Variants in COPB2 observed in about 807,000 individuals in gnomAD.
COPB2 encodes the protein coatomer subunit beta'.
Under a neutral mutation model 120.8 loss-of-function variants are expected in COPB2, and 16 were observed. The ratio of observed to expected loss-of-function variants is 0.13; its 90% CI spans 0.09 to 0.20. The LOEUF (loss-of-function observed/expected upper bound fraction) is 0.20. Ranked by LOEUF, COPB2 falls within the 10% of genes least tolerant of loss-of-function variation. The pLI is 1.00. For missense variants in COPB2, 794 were observed against 1,076.5 expected (o/e 0.74, Z 3.67); for synonymous variants, 332 against 366.3 (o/e 0.91, Z 1.07).
chr3:139,359,859 G>T (rs908149724), intron 17 of COPB2, among the ~76,000 whole-genome samples: 12 of 151,626 alleles, frequency 7.9e-5, no homozygotes, highest in African/African-American at 2.7e-4. Flanking sequence ...AGGATTTTTT[G>T]GATTTTCGAA....
intron 10 of COPB2, among the ~76,000 whole-genome samples, chr3:139,370,508 C>T (rs1175646176): frequency 6.6e-6 from 1 of 152,128 alleles, no homozygotes; most frequent in Non-Finnish European, 1.5e-5. Flanking sequence ...ATCGGGGGAT[C>T]GCTGTACAAT....
chr3:139,364,015 CCTA>C lies in COPB2; in HGVS notation c.1885-1501_1885-1499del, dbSNP rs368625376. On this transcript the variant is annotated intron_variant, in intron 15 of 21. Coordinates refer to ENST00000333188, the MANE Select transcript of COPB2 (RefSeq NM_004766.3). ...ATATACTTTTGTTTTCTGCTAATTC[CCTA>C]CTACTAATAAAATCACACTAAAAGG... Among the ~76,000 whole-genome samples the C allele has an allele frequency of 2.0e-5, 3 of 151,082 alleles. No individual in the cohort carries two copies. In the East Asian group the frequency reaches 5.8e-4, roughly 29 times the overall value.
In COPB2 at chr3:139,366,616, G is replaced by A. The variant is rs1941520985; in HGVS notation, c.1836C>T (p.Thr612=). The change falls in exon 15 of 22, where the codon ACC becomes ACT. Residue 612 remains threonine, a synonymous_variant. Transcript: ENST00000333188. ...DFSMADKVLP[T]IPKEQRTRVA... ...CTCTGGTCCTCTGTTCTTTTGGAAT[G>A]GTAGGAAGGACCTTATCAGCCATGC... 1 of 1,613,884 alleles carries A rather than the reference G, an allele frequency of 6.2e-7. No individual in the cohort carries two copies. The highest frequency in any genetic ancestry group is 1.3e-5 in the African/African-American group (1 of 74,916).
Position 139,357,879 on chromosome 3 carries a change from T to C in COPB2, c.2705A>G (p.Asp902Gly). The change falls in exon 22 of 22, where the codon GAT becomes GGT. Residue 902 changes from aspartate to glycine, a missense_variant. Asp to Gly is a moderately conservative substitution (Grantham distance 94). Transcript: ENST00000333188. ...GCATTACAGTCAATCATCCAAAATA[T>C]CTTCATCCAGATTGATATCTGTTGT... The part of the protein sequence containing the change: ...IDTTDINLDE[D>G]ILDD 1 of 1,577,826 alleles carries C rather than the reference T, an allele frequency of 6.3e-7. No homozygotes were observed. The highest frequency in any genetic ancestry group is 8.7e-7 in the Non-Finnish European group (1 of 1,151,460).
intron 13 of COPB2, among the ~76,000 whole-genome samples, chr3:139,367,581 C>T (rs1054364115): frequency 3.3e-5 from 5 of 152,078 alleles, no homozygotes; most frequent in Non-Finnish European, 5.9e-5. Flanking sequence ...AGCCACTGCA[C>T]CCCGCTGGAA....
chr3:139,367,455 T>C (rs1379583524), intron 13 of COPB2, among the ~76,000 whole-genome samples: 1 of 152,058 alleles, frequency 6.6e-6, no homozygotes, highest in Non-Finnish European at 1.5e-5. Context: ...GCCTGGCTAA[T>C]TCTTATGTTT....
At chr3:139,360,298 C>T (rs564804426) in intron 17 of COPB2, among the ~76,000 whole-genome samples, 19 of 151,430 alleles carry the variant, frequency 1.3e-4, no homozygotes, top group African/African-American at 3.9e-4. Flanking sequence ...ACGAGGCAGG[C>T]GGATCATTTG....
At chr3:139,367,282 T>A (rs1328512973) in intron 13 of COPB2, 137 bp from the exon 14 acceptor site, 57 of 1,061,978 alleles carry the variant, frequency 5.4e-5, no homozygotes, top group Non-Finnish European at 6.5e-5. Flanking sequence ...AAAAAAAAAA[T>A]TTTCCTTGGA....
intron 2 of COPB2, chr3:139,380,175 C>A (rs1375677174): frequency 6.6e-6 from 1 of 151,844 alleles, no homozygotes; most frequent in Non-Finnish European, 1.5e-5. Context: ...CCATGCCAAG[C>A]AAATTTTTGT....
Position 139,365,780 on chromosome 3 carries a change from A to C in COPB2, c.1884+788T>G, listed in dbSNP as rs116412842. Among the ~76,000 whole-genome samples the C allele has an allele frequency of 3.2e-3, 494 of 152,332 alleles. 3 individuals carry two copies. The highest frequency in any genetic ancestry group is 0.012 in the African/African-American group (479 of 41,578). Reference sequence around the variant, plus strand: ...AAAGGGGGGAAAAAGACAATTATAAACTAGGGAAAACAAACAATTGCAGGA... The same window carrying C: ...AAAGGGGGGAAAAAGACAATTATAACCTAGGGAAAACAAACAATTGCAGGA... On this transcript the variant is annotated intron_variant, in intron 15 of 21. Transcript: ENST00000333188.
chr3:139,389,412 C>T (rs1459245749), intron 1 of COPB2, 136 bp downstream of exon 1: 10 of 1,251,032 alleles, frequency 8.0e-6, no homozygotes, highest in Non-Finnish European at 9.3e-6. Context: ...ATCAAACGAC[C>T]AAGACCCCGC....
At chr3:139,367,537 C>T (rs1380305229) in intron 13 of COPB2, among the ~76,000 whole-genome samples, 1 of 152,058 alleles carries the variant, frequency 6.6e-6, no homozygotes, top group African/African-American at 2.4e-5. Context: ...ATCTGCCCAC[C>T]TCGGCCTCCC....
chr3:139,358,418 C>G, intron 20 of COPB2, 147 bp from the exon 21 acceptor site: 1 of 708,030 alleles, frequency 1.4e-6, no homozygotes, highest in Admixed American at 2.4e-5. Flanking sequence ...GTGGCTCACG[C>G]CTGTAATCCC....
chr3:139,370,584 T>G (rs1333257815), intron 10 of COPB2, among the ~76,000 whole-genome samples: 1 of 152,210 alleles, frequency 6.6e-6, no homozygotes, highest in African/African-American at 2.4e-5. Flanking sequence ...ATAAAAACTG[T>G]GACAAATGGT....
In COPB2 at chr3:139,366,623, A is replaced by G. The variant is rs1294305393; in HGVS notation, c.1829T>C (p.Leu610Pro). The G allele has an allele frequency of 6.2e-7, 1 of 1,614,116 alleles. No homozygotes were observed. The change falls in exon 15 of 22, where the codon CTT (leucine) becomes CCT (proline). Residue 610 changes from leucine (L) to proline (P), a missense_variant. By Grantham distance (98) the Leu-to-Pro change is moderately conservative. Transcript: ENST00000333188. ...RRDFSMADKV[L>P]PTIPKEQRTR... ...CCTCTGTTCTTTTGGAATGGTAGGAAGGACCTTATCAGCCATGCTAAAGTC... is the reference window on the plus strand; with the variant it reads ...CCTCTGTTCTTTTGGAATGGTAGGAGGGACCTTATCAGCCATGCTAAAGTC...
At chr3:139,362,941 G>A (rs1041229254) in intron 15 of COPB2, among the ~76,000 whole-genome samples, 7 of 152,212 alleles carry the variant, frequency 4.6e-5, no homozygotes, top group African/African-American at 1.7e-4. Context: ...CAACTAGGCT[G>A]GGAAGTAGAG....
chr3:139,372,892 C>T (rs1456565787), intron 9 of COPB2, among the ~76,000 whole-genome samples: 1 of 152,238 alleles, frequency 6.6e-6, no homozygotes, highest in Non-Finnish European at 1.5e-5. Flanking sequence ...TACTAAGTCT[C>T]AGCATAAGAC....
At position 139,357,809 on chromosome 3, in the gene COPB2, A is replaced by T; in HGVS notation, c.*54T>A. The T allele has an allele frequency of 1.0e-6, 1 of 958,184 alleles. No individual in the cohort carries two copies. The allele number at this position is 958,184 out of a possible 1,614,324, so 59.4% of individuals were successfully genotyped here. On this transcript the variant is annotated 3_prime_UTR_variant, in exon 22 of 22. Coordinates refer to ENST00000333188, the MANE Select transcript of COPB2 (RefSeq NM_004766.3). ...AAGCACTGTGGTCAGGGTAGCAATCAATACCTATATATAATAATGATCTGT... is the reference window on the plus strand; with the variant it reads ...AAGCACTGTGGTCAGGGTAGCAATCTATACCTATATATAATAATGATCTGT...
chr3:139,358,646 A>T (rs1315166020), intron 20 of COPB2, 98 bp downstream of exon 20: 3 of 846,082 alleles, frequency 3.5e-6, no homozygotes, highest in Non-Finnish European at 5.9e-6. Flanking sequence ...GCGCCACTGC[A>T]CTCCAGCCAG....
Sources: gnomAD v4.1 joint callset for allele counts (sites outside exome capture counted in the v4.1 genomes callset) on GRCh38, gnomAD v4.1.1 for gene constraint, MANE v1.5 for transcripts, NCBI Gene and HGNC (gene_info 2026-07-23, HGNC 2026-07-21) for gene names.